Variants in SIKE1 observed in about 807,000 individuals in gnomAD.
SIKE1 encodes the protein suppressor of IKK epsilon.
In SIKE1, 13 loss-of-function variants were observed where a neutral mutation model predicts 25.8. The observed-to-expected ratio is 0.50, with a 90% CI of 0.33 to 0.80. The LOEUF is 0.80. Ranked by LOEUF, SIKE1 falls within the 30% of genes least tolerant of loss-of-function variation. The pLI is 0.02. For missense variants in SIKE1, 222 were observed against 252.4 expected (o/e 0.88, Z 0.82); for synonymous variants, 86 against 95.5 (o/e 0.90, Z 0.58).
rs1428413481 is a variant in SIKE1, at chr1:114,774,102, C to G, written c.*169G>C. 2.1e-6 allele frequency: 1 copy of G among 482,964 alleles called. No individual in the cohort carries two copies. The highest frequency in any genetic ancestry group is 3.0e-5 in the East Asian group (1 of 33,406). 29.9% of individuals were successfully genotyped at this position (482,964 alleles called of 1,614,324 possible). ...GCATGTAGTATTCACATTAACACAT[C>G]TGAGAACTGTGGACAGCCAATATTG... On this transcript the variant is annotated 3_prime_UTR_variant, in exon 5 of 5. Coordinates refer to ENST00000060969, the MANE Select transcript of SIKE1 (RefSeq NM_025073.3).
At chr1:114,778,886 C>A in intron 3 of SIKE1, 1 of 478,572 alleles carries the variant, frequency 2.1e-6, no homozygotes, top group South Asian at 2.9e-5. Context: ...AACAAACAAA[C>A]AAACAAACAA....
In SIKE1 at chr1:114,780,630, C is replaced by G. The variant is rs774957171; in HGVS notation, c.-23G>C. 13 of 1,582,602 alleles carry G rather than the reference C, an allele frequency of 8.2e-6. 2 individuals are homozygous for G. The South Asian group carries it at 1.5e-4, about 18-fold the overall frequency. ...CATAGCAGCAGCACCACCCCAGCCCCTGCCGGGCTCAGCTACGCGACTCGC... is the reference window on the plus strand; with the variant it reads ...CATAGCAGCAGCACCACCCCAGCCCGTGCCGGGCTCAGCTACGCGACTCGC... On this transcript the variant is annotated 5_prime_UTR_variant, in exon 1 of 5. Transcript: ENST00000060969.
chr1:114,780,375 T>A, intron 1 of SIKE1, 74 bp downstream of exon 1: 3 of 1,608,328 alleles, frequency 1.9e-6, no homozygotes, highest in Non-Finnish European at 2.5e-6. Flanking sequence ...CCAGGCCGAG[T>A]TCCCACTTTA....
intron 3 of SIKE1, 134 bp downstream of exon 3, chr1:114,779,008 G>T: frequency 9.4e-7 from 1 of 1,059,072 alleles, no homozygotes. Context: ...AGTGAGCCGA[G>T]ATCGTGCCAT....
intron 3 of SIKE1, 196 bp downstream of exon 3, chr1:114,778,946 G>T: frequency 1.7e-6 from 1 of 603,716 alleles, no homozygotes. Flanking sequence ...AGTCCCAGCT[G>T]CTCCGGAGGC....
At position 114,771,215 on chromosome 1, in the gene SIKE1, C is replaced by T. The variant is rs1286205295; in HGVS notation, c.*3056G>A. On this transcript the variant is annotated 3_prime_UTR_variant, in exon 5 of 5. Coordinates refer to ENST00000060969, the MANE Select transcript of SIKE1 (RefSeq NM_025073.3). ...AAGAGTCACTGATTAAACATTATTC[C>T]TTTCAGTTGAATCACACATACTCTC... 1 of 152,206 alleles carries T rather than the reference C, an allele frequency of 6.6e-6. No individual in the cohort carries two copies. The highest frequency in any genetic ancestry group is 1.5e-5 in the Non-Finnish European group (1 of 68,036). The allele number at this position is 152,206 out of a possible 1,614,324, so 9.4% of individuals were successfully genotyped here.
At chr1:114,775,178 TTCTGCTCTTCATCCTTATCC>T (rs1453338252) in intron 4 of SIKE1, among the ~76,000 whole-genome samples, 2 of 152,190 alleles carry the variant, frequency 1.3e-5, no homozygotes, top group Non-Finnish European at 2.9e-5. Context: ...AGAGGGTAGC[TTCTGCTCTTCATCCTTATCC>T]TCTGCAGAAA....
chr1:114,769,691 T>C lies in SIKE1; in HGVS notation c.*4580A>G, dbSNP rs1363756437. 1.3e-5 allele frequency: 2 copies of C among 152,066 alleles called. No homozygotes were observed. Among genetic ancestry groups the C allele is most frequent in the Admixed American group, 1.3e-4 (2 of 15,260 alleles). The allele number at this position is 152,066 out of a possible 1,614,324, so 9.4% of individuals were successfully genotyped here. A position where few individuals can be genotyped will look rare whatever the true frequency, so the allele number is the denominator to read the frequency against. ...TGAAGTTCAAAAAGAAAGAAAACTATAAAATAAGTCACTTTAGGGATACAT... is the reference window on the plus strand; with the variant it reads ...TGAAGTTCAAAAAGAAAGAAAACTACAAAATAAGTCACTTTAGGGATACAT... On this transcript the variant is annotated 3_prime_UTR_variant, in exon 5 of 5. Coordinates refer to ENST00000060969, the MANE Select transcript of SIKE1 (RefSeq NM_025073.3).
At position 114,776,437 on chromosome 1, in the gene SIKE1, C is replaced by T. The variant is rs1481372669; in HGVS notation, c.431G>A (p.Arg144Lys). 1 of 1,611,972 alleles carries T rather than the reference C, an allele frequency of 6.2e-7. No individual in the cohort carries two copies. Among genetic ancestry groups the T allele is most frequent in the Non-Finnish European group, 8.5e-7 (1 of 1,178,346 alleles). The change falls in exon 4 of 5, where the codon AGA (arginine) becomes AAA (lysine). Residue 144 changes from arginine (R) to lysine (K), a missense_variant. By Grantham distance (26) the Arg-to-Lys change is conservative. Transcript: ENST00000060969. ...CATCACTTCTCCCATTTCACAGATT[C>T]TGTCAATCTGACTCTCAATTTCCTG... Reference protein sequence around the residue: ...HSAEIESQIDRICEMGEVMRK... With the variant: ...HSAEIESQIDKICEMGEVMRK...
chr1:114,775,087 C>T (rs1026680945), intron 4 of SIKE1, among the ~76,000 whole-genome samples: 3 of 152,090 alleles, frequency 2.0e-5, no homozygotes, highest in South Asian at 2.1e-4. Context: ...TGAGGTAAAT[C>T]GGGGATAAAT....
At chr1:114,779,416 G>A (rs1557724307) in intron 2 of SIKE1, 132 bp from the exon 3 acceptor site, 3 of 925,138 alleles carry the variant, frequency 3.2e-6, no homozygotes, top group Non-Finnish European at 4.8e-6. Flanking sequence ...GTTTAAGTCC[G>A]CAAAACTGAA....
At chr1:114,780,245 C>T (rs1354838126) in intron 1 of SIKE1, 30 bp from the exon 2 acceptor site, 1 of 1,582,326 alleles carries the variant, frequency 6.3e-7, no homozygotes, top group Non-Finnish European at 8.6e-7. Context: ...CTAAGCATGC[C>T]TTAAAGAGAA....
chr1:114,779,935 TAGTC>T (rs148957954), intron 2 of SIKE1, among the ~76,000 whole-genome samples, 171 bp downstream of exon 2: 2,490 of 152,288 alleles, frequency 0.016, 40 homozygotes, highest in Middle Eastern at 0.065. Flanking sequence ...GCTGCAATAT[TAGTC>T]AGATGACCTT....
At chr1:114,780,320 C>G in intron 1 of SIKE1, 105 bp from the exon 2 acceptor site, 4 of 1,581,914 alleles carry the variant, frequency 2.5e-6, no homozygotes, top group Non-Finnish European at 3.5e-6. Flanking sequence ...AGCCCCGACC[C>G]AGGAAAATGG....
At position 114,780,600 on chromosome 1, in the gene SIKE1, C is replaced by T; in HGVS notation, c.8G>A (p.Cys3Tyr). Residue 3 changes from cysteine to tyrosine, a missense_variant, in exon 1 of 5, where the codon TGC becomes TAC. Cys to Tyr is a radical substitution (Grantham distance 194). Transcript: ENST00000060969. MS[C>Y]TIEKILTDAK... ...GTCTGTCAGGATCTTCTCGATGGTG[C>T]AGCTCATAGCAGCAGCACCACCCCA... The T allele has an allele frequency of 6.2e-7, 1 of 1,609,896 alleles. No homozygotes were observed. Among genetic ancestry groups the T allele is most frequent in the East Asian group, 2.2e-5 (1 of 44,782 alleles).
At chr1:114,776,551 T>A in intron 3 of SIKE1, 92 bp from the exon 4 acceptor site, 1 of 838,208 alleles carries the variant, frequency 1.2e-6, no homozygotes, top group South Asian at 1.4e-5. Context: ...TTTTTAAAAG[T>A]TCATTTAATC....
intron 4 of SIKE1, among the ~76,000 whole-genome samples, chr1:114,775,762 C>G (rs1235420352): frequency 6.6e-6 from 1 of 152,170 alleles, no homozygotes; most frequent in Non-Finnish European, 1.5e-5. Flanking sequence ...TTACCTCAGC[C>G]TCTCAAAGTT....
rs1026904393 is a variant in SIKE1 at position 114,780,433 on chromosome 1, C to G, written c.159+16G>C. 2.5e-6 allele frequency: 4 copies of G among 1,609,656 alleles called. No homozygotes were observed. In the African/African-American group the frequency reaches 5.3e-5, roughly 21 times the overall value. On this transcript the variant is annotated intron_variant, in intron 1 of 4. Transcript: ENST00000060969. ...CCCAGAATCCGAGAGCACTGGACTCCTACCCTCTGCCTGACCTGGTCCGGA... is the reference window on the plus strand; with the variant it reads ...CCCAGAATCCGAGAGCACTGGACTCGTACCCTCTGCCTGACCTGGTCCGGA...
At chr1:114,777,780 C>T (rs1298603357) in intron 3 of SIKE1, among the ~76,000 whole-genome samples, 1 of 152,008 alleles carries the variant, frequency 6.6e-6, no homozygotes. Flanking sequence ...TCCAGTGCAT[C>T]AATCCCCCAG....
Sources: gnomAD v4.1 joint callset for allele counts (sites outside exome capture counted in the v4.1 genomes callset) on GRCh38, gnomAD v4.1.1 for gene constraint, MANE v1.5 for transcripts, NCBI Gene and HGNC (gene_info 2026-07-23, HGNC 2026-07-21) for gene names.